The following SLC13A3 variants were observed in gnomAD, a reference collection of about 807,000 sequenced individuals.
SLC13A3 encodes Na(+)/dicarboxylate cotransporter 3.
SLC13A3 carries 40 observed loss-of-function variants against 59.0 expected under a neutral mutation model. The observed-to-expected ratio is 0.68, with a 90% CI of 0.53 to 0.88. The LOEUF (loss-of-function observed/expected upper bound fraction) is 0.88. Among genes scored for constraint, SLC13A3 ranks in the 40% least tolerant of loss-of-function variants. The pLI, the probability that SLC13A3 is intolerant of heterozygous loss-of-function variation, is 0.00. For synonymous variants in SLC13A3, 317 were observed against 330.3 expected (o/e 0.96, Z 0.44); for missense variants, 699 against 783.2 (o/e 0.89, Z 1.28).
At chr20:46,562,637 G>A (rs1276683379) in intron 12 of SLC13A3, among the ~76,000 whole-genome samples, 2 of 152,118 alleles carry the variant, frequency 1.3e-5, no homozygotes, top group Non-Finnish European at 2.9e-5. Context: ...CCTAGGAGGC[G>A]GATCGGTGTC....
intron 1 of SLC13A3, among the ~76,000 whole-genome samples, chr20:46,616,966 C>A (rs1403902192): frequency 1.3e-5 from 2 of 152,216 alleles, no homozygotes. Context: ...ACAAAAGCAG[C>A]ATGAAACTCT....
At chr20:46,609,115 ATG>A in intron 3 of SLC13A3, 1 of 1,509,746 alleles carries the variant, frequency 6.6e-7, no homozygotes, top group Non-Finnish European at 8.9e-7. Flanking sequence ...CTGCCCACAT[ATG>A]TATCAATTCA....
At chr20:46,606,908 G>C (rs2062442348) in intron 3 of SLC13A3, among the ~76,000 whole-genome samples, 1 of 152,234 alleles carries the variant, frequency 6.6e-6, no homozygotes. Flanking sequence ...GGTCCCCCAG[G>C]AAGTGCAGGG....
chr20:46,651,232 G>T (rs968727762), intron 1 of SLC13A3, 79 bp downstream of exon 1: 204 of 1,401,408 alleles, frequency 1.5e-4, no homozygotes, highest in Middle Eastern at 9.2e-4. Flanking sequence ...GGACCTCAGC[G>T]GTCTCCCAAC....
intron 4 of SLC13A3, 42 bp from the exon 5 acceptor site, chr20:46,596,384 G>C: frequency 6.3e-7 from 1 of 1,581,270 alleles, no homozygotes; most frequent in East Asian, 2.2e-5. Context: ...AATACATGGA[G>C]AACAGGCCAC....
In SLC13A3 at chr20:46,579,286, C is replaced by G. The variant is rs138768962; in HGVS notation, c.1220-3601G>C. 5.7e-3 allele frequency among the ~76,000 whole-genome samples: 873 copies of G among 152,210 alleles called. 3 individuals carry two copies. The highest frequency in any genetic ancestry group is 9.4e-3 in the Non-Finnish European group (641 of 68,010). ...GGAACTACAGGTGTGTGCCACCACA[C>G]AGGCTAATTTCTTAAATTTCTGGAG... On this transcript the variant is annotated intron_variant, in intron 9 of 12. Transcript: ENST00000279027.
At position 46,588,041 on chromosome 20, in the gene SLC13A3, G is replaced by T; in HGVS notation, c.1121+18C>A. 1.3e-6 allele frequency: 2 copies of T among 1,514,980 alleles called. No homozygotes were observed. The highest frequency in any genetic ancestry group is 1.2e-5 in the South Asian group (1 of 84,804). 93.8% of individuals were successfully genotyped at this position (1,514,980 alleles called of 1,614,324 possible). On this transcript the variant is annotated intron_variant, in intron 8 of 12. Transcript: ENST00000279027. ...TCCTCCCTGTTGGACTCCTCCCTGTGGGTCCCCAGAGTCTCACCCAGGATT... is the reference window on the plus strand; with the variant it reads ...TCCTCCCTGTTGGACTCCTCCCTGTTGGTCCCCAGAGTCTCACCCAGGATT...
At chr20:46,586,555 C>T (rs1195401453) in intron 8 of SLC13A3, among the ~76,000 whole-genome samples, 1 of 152,196 alleles carries the variant, frequency 6.6e-6, no homozygotes, top group Admixed American at 6.5e-5. Flanking sequence ...AAGCTCCAGT[C>T]TTGCATATCT....
intron 1 of SLC13A3, among the ~76,000 whole-genome samples, chr20:46,663,813 A>T (rs1383125191): frequency 6.6e-6 from 1 of 152,216 alleles, no homozygotes; most frequent in African/African-American, 2.4e-5. Context: ...CACATGCGTA[A>T]CCAACCACTA....
chr20:46,560,856 A>T (rs903392910), intron 12 of SLC13A3, among the ~76,000 whole-genome samples: 3 of 152,082 alleles, frequency 2.0e-5, no homozygotes, highest in African/African-American at 7.2e-5. Context: ...TTGTTTTCCC[A>T]CCTGGGTCTT....
intron 1 of SLC13A3, among the ~76,000 whole-genome samples, chr20:46,623,870 C>G (rs978493958): frequency 6.6e-6 from 1 of 152,066 alleles, no homozygotes; most frequent in African/African-American, 2.4e-5. Flanking sequence ...CAGGAAAAGT[C>G]AAGTAACTTG....
chr20:46,603,992 A>G (rs78794647), intron 3 of SLC13A3, among the ~76,000 whole-genome samples: 2 of 145,520 alleles, frequency 1.4e-5, no homozygotes, highest in African/African-American at 2.5e-5. Context: ...CGCCATCTCA[A>G]AAAAAAAAAA....
chr20:46,588,853 G>A (rs144770199), intron 7 of SLC13A3, among the ~76,000 whole-genome samples: 1,602 of 152,308 alleles, frequency 0.011, 28 homozygotes, highest in African/African-American at 0.035. Context: ...CAAGGTCCCG[G>A]AAGTCACCTG....
intron 11 of SLC13A3, among the ~76,000 whole-genome samples, chr20:46,564,049 G>A (rs1387157287): frequency 6.6e-6 from 1 of 152,222 alleles, no homozygotes; most frequent in African/African-American, 2.4e-5. Flanking sequence ...CATTCCTGAC[G>A]TGTTCCCCCG....
At chr20:46,621,517 T>C (rs191304449) in intron 1 of SLC13A3, among the ~76,000 whole-genome samples, 1 of 152,356 alleles carries the variant, frequency 6.6e-6, no homozygotes, top group Non-Finnish European at 1.5e-5. Flanking sequence ...GAAACAAAGT[T>C]TGTATTTTTA....
upstream of SLC13A3, among the ~76,000 whole-genome samples, chr20:46,656,291 A>ACT (rs1177600116): frequency 1.4e-5 from 1 of 72,208 alleles, no homozygotes; most frequent in Non-Finnish European, 3.9e-5. Context: ...TATACTGTAT[A>ACT]TAATATACTA....
chr20:46,594,671 C>T (rs2062292117), intron 5 of SLC13A3, among the ~76,000 whole-genome samples: 2 of 151,994 alleles, frequency 1.3e-5, no homozygotes, highest in African/African-American at 4.8e-5. Flanking sequence ...GATAAAAAGA[C>T]ATCTAAGGTT....
At chr20:46,663,558 T>C (rs1396201327) in intron 1 of SLC13A3, among the ~76,000 whole-genome samples, 1 of 152,230 alleles carries the variant, frequency 6.6e-6, no homozygotes, top group Non-Finnish European at 1.5e-5. Context: ...ATGTTGGCTT[T>C]CCAGCTTATT....
intron 1 of SLC13A3, among the ~76,000 whole-genome samples, chr20:46,631,769 G>A (rs146605965): frequency 3.9e-5 from 6 of 152,230 alleles, no homozygotes; most frequent in East Asian, 3.9e-4. Flanking sequence ...AGCAAAACGC[G>A]CAGGGGTGAG....
Sources: gnomAD v4.1 joint callset for allele counts (sites outside exome capture counted in the v4.1 genomes callset) on GRCh38, gnomAD v4.1.1 for gene constraint, MANE v1.5 for transcripts, NCBI Gene and HGNC (gene_info 2026-07-23, HGNC 2026-07-21) for gene names.